The following ARFGEF2 variants were observed in gnomAD, a reference collection of about 807,000 sequenced individuals.
The protein encoded by ARFGEF2 is brefeldin A-inhibited guanine nucleotide-exchange protein 2.
Under a neutral mutation model 219.9 loss-of-function variants are expected in ARFGEF2, and 74 were observed. That is an observed-to-expected ratio of 0.34 (90% CI 0.28 to 0.41). The LOEUF (loss-of-function observed/expected upper bound fraction) is 0.41, where lower values mean the gene tolerates loss of function less well. ARFGEF2 is among the 10% of genes least tolerant of loss of function. The probability of loss-of-function intolerance (pLI) is 1.00; values close to 1 mark genes in which losing one functional copy is unlikely to be tolerated. For missense variants in ARFGEF2, 1,743 were observed against 2,218.3 expected (o/e 0.79, Z 4.30); for synonymous variants, 733 against 799.2 (o/e 0.92, Z 1.40).
intron 1 of ARFGEF2, among the ~76,000 whole-genome samples, chr20:48,939,044 G>A (rs528873197): frequency 8.1e-5 from 12 of 147,778 alleles, no homozygotes; most frequent in South Asian, 2.1e-4. Context: ...GCACCATCTC[G>A]GCTCACTGCA....
rs767927598 is a variant in ARFGEF2, at chr20:48,985,436, G to C, written c.2099G>C (p.Ser700Thr). ...STQVGDFLGDSARFNKEVMYA... is the reference protein window; with the variant it reads ...STQVGDFLGDTARFNKEVMYA... Reference sequence around the variant, plus strand: ...CAAGTAGGCGATTTTCTGGGAGATAGCGCAAGGTTCAACAAGGAGGTGATG... The same window carrying C: ...CAAGTAGGCGATTTTCTGGGAGATACCGCAAGGTTCAACAAGGAGGTGATG... Residue 700 changes from serine (S) to threonine (T), a missense_variant, in exon 16 of 39, where the codon AGC becomes ACC. By Grantham distance (58) the Ser-to-Thr change is moderately conservative. Around this residue, in one of 5 missense-constraint regions of ARFGEF2, gnomAD observed 666 missense variants for 955.4 expected, o/e 0.70. Coordinates refer to ENST00000371917, the MANE Select transcript of ARFGEF2 (RefSeq NM_006420.3). 6.2e-7 allele frequency: 1 copy of C among 1,614,044 alleles called. No individual in the cohort carries two copies. The highest frequency in any genetic ancestry group is 1.3e-5 in the African/African-American group (1 of 74,926).
chr20:49,020,057 T>TA (rs375929482), intron 34 of ARFGEF2, among the ~76,000 whole-genome samples: 112 of 152,356 alleles, frequency 7.4e-4, no homozygotes, highest in African/African-American at 2.5e-3. Context: ...GGTACTGTCT[T>TA]ACGTTTGAGG....
At chr20:48,953,169 T>C (rs1254685104) in intron 5 of ARFGEF2, among the ~76,000 whole-genome samples, 1 of 150,082 alleles carries the variant, frequency 6.7e-6, no homozygotes, top group Non-Finnish European at 1.5e-5. Flanking sequence ...TTTCTTTTTT[T>C]TTTTTTCTTT....
At chr20:48,926,126 G>T (rs2090875533) in intron 1 of ARFGEF2, among the ~76,000 whole-genome samples, 2 of 152,116 alleles carry the variant, frequency 1.3e-5, no homozygotes, top group Admixed American at 1.3e-4. Flanking sequence ...TGGAACCAGG[G>T]TATAAACACA....
chr20:48,984,959 T>C (rs1460987265), intron 15 of ARFGEF2, 119 bp downstream of exon 15: 4 of 1,550,350 alleles, frequency 2.6e-6, no homozygotes, highest in Non-Finnish European at 1.7e-6. Context: ...CACCCCCGGG[T>C]TATACATTGT....
chr20:49,008,448 A>G lies in ARFGEF2; in HGVS notation c.3585-1784A>G, dbSNP rs1273825499. On this transcript the variant is annotated intron_variant, in intron 26 of 38. Coordinates refer to ENST00000371917, the MANE Select transcript of ARFGEF2 (RefSeq NM_006420.3). ...TGTGGTGGTGTATGCCTGTAGTCCCAGCTACTCAGGAGGCTGAGGTAGGAG... is the reference window on the plus strand; with the variant it reads ...TGTGGTGGTGTATGCCTGTAGTCCCGGCTACTCAGGAGGCTGAGGTAGGAG... Among the ~76,000 whole-genome samples the G allele has an allele frequency of 2.0e-5, 3 of 151,970 alleles. 1 individual carries two copies. Among genetic ancestry groups the G allele is most frequent in the Non-Finnish European group, 4.4e-5 (3 of 68,012 alleles).
In ARFGEF2 at chr20:49,018,910, A is replaced by G; in HGVS notation, c.4536A>G (p.Leu1512=). ...HLDVDLDRQS[L]SSIDKNPSER... is the part of the protein sequence containing the mutation. Reference sequence around the variant, plus strand: ...ATGTGGATCTGGACCGCCAGTCTTTAAGCAGCATAGATAAAAATCCCTCTG... The same window carrying G: ...ATGTGGATCTGGACCGCCAGTCTTTGAGCAGCATAGATAAAAATCCCTCTG... Residue 1512 remains leucine, a synonymous_variant, in exon 34 of 39, where the codon TTA becomes TTG. Coordinates refer to ENST00000371917, the MANE Select transcript of ARFGEF2 (RefSeq NM_006420.3). 1 of 1,613,990 alleles carries G rather than the reference A, an allele frequency of 6.2e-7. No homozygotes were observed. The highest frequency in any genetic ancestry group is 1.1e-5 in the South Asian group (1 of 91,080).
At chr20:48,936,280 G>T (rs1384145691) in intron 1 of ARFGEF2, among the ~76,000 whole-genome samples, 2 of 148,234 alleles carry the variant, frequency 1.3e-5, no homozygotes, top group Non-Finnish European at 3.0e-5. Context: ...CGGACGGGGC[G>T]GCTGGCCAGG....
intron 3 of ARFGEF2, among the ~76,000 whole-genome samples, chr20:48,950,533 ATC>A (rs1380169991): frequency 2.6e-5 from 4 of 151,898 alleles, no homozygotes; most frequent in Admixed American, 2.6e-4. Context: ...GGTGGCTCAC[ATC>A]TGTAATTCCA....
chr20:48,933,579 C>A (rs1358699549), intron 1 of ARFGEF2, among the ~76,000 whole-genome samples: 3 of 152,090 alleles, frequency 2.0e-5, no homozygotes, highest in Non-Finnish European at 4.4e-5. Context: ...TTTCCCTTGG[C>A]ATTGCTTGAT....
Position 48,974,855 on chromosome 20 carries a change from C to T in ARFGEF2, c.1755C>T (p.Pro585=). 1 of 1,613,788 alleles carries T rather than the reference C, an allele frequency of 6.2e-7. No homozygotes were observed. The highest frequency in any genetic ancestry group is 8.5e-7 in the Non-Finnish European group (1 of 1,179,856). The change falls in exon 13 of 39, where the codon CCC becomes CCT. Residue 585 remains proline (P), a synonymous_variant. Transcript: ENST00000371917. ...VEWSKDLYVN[P]NHQTSLGQER... ...GGAGCAAAGACCTGTATGTGAATCCCAACCACCAGACCAGCCTCGGTGAGA... is the reference window on the plus strand; with the variant it reads ...GGAGCAAAGACCTGTATGTGAATCCTAACCACCAGACCAGCCTCGGTGAGA...
chr20:48,942,028 C>T (rs778658462), intron 3 of ARFGEF2, 41 bp downstream of exon 3: 2 of 1,611,686 alleles, frequency 1.2e-6, no homozygotes, highest in Non-Finnish European at 1.7e-6. Context: ...GGGTTCTCTC[C>T]AAGCCACAGT....
chr20:48,956,302 TC>T (rs1209107077), intron 6 of ARFGEF2, among the ~76,000 whole-genome samples: 3 of 152,034 alleles, frequency 2.0e-5, no homozygotes, highest in Admixed American at 6.6e-5. Flanking sequence ...TAACTGGGAA[TC>T]CCCCCCACAG....
At chr20:48,997,672 C>T (rs530317928) in intron 23 of ARFGEF2, among the ~76,000 whole-genome samples, 32 of 152,142 alleles carry the variant, frequency 2.1e-4, no homozygotes, top group Non-Finnish European at 4.0e-4. Context: ...ACTTGTAATA[C>T]CACATCATTT....
chr20:48,979,919 T>TA (rs1003720449), intron 14 of ARFGEF2, among the ~76,000 whole-genome samples: 2 of 151,622 alleles, frequency 1.3e-5, no homozygotes, highest in African/African-American at 2.4e-5. Context: ...TGATCTTTTT[T>TA]AAAAAAACAG....
chr20:49,006,458 T>G (rs1192509792), intron 26 of ARFGEF2, among the ~76,000 whole-genome samples: 1 of 152,196 alleles, frequency 6.6e-6, no homozygotes, highest in Non-Finnish European at 1.5e-5. Flanking sequence ...AATCTCTGTT[T>G]AATTCCAATA....
At chr20:49,007,822 C>G (rs1206626709) in intron 26 of ARFGEF2, among the ~76,000 whole-genome samples, 1 of 151,952 alleles carries the variant, frequency 6.6e-6, no homozygotes, top group Non-Finnish European at 1.5e-5. Context: ...ATTTTCCTAC[C>G]TTTAGGAACA....
At chr20:48,988,708 T>G (rs773032903) in intron 18 of ARFGEF2, 46 bp downstream of exon 18, 1 of 1,544,164 alleles carries the variant, frequency 6.5e-7, no homozygotes, top group African/African-American at 1.4e-5. Context: ...AATTTTTTAG[T>G]GTATCAGAAT....
intron 36 of ARFGEF2, among the ~76,000 whole-genome samples, chr20:49,026,467 A>G (rs1043421087): frequency 2.6e-5 from 4 of 152,180 alleles, no homozygotes; most frequent in African/African-American, 9.6e-5. Flanking sequence ...AATAAATACA[A>G]AAACCCTGGA....
Sources: gnomAD v4.1 joint callset for allele counts (sites outside exome capture counted in the v4.1 genomes callset) on GRCh38, gnomAD v4.1.1 for gene constraint, gnomAD v4.1.1 regional missense constraint, MANE v1.5 for transcripts, NCBI Gene and HGNC (gene_info 2026-07-23, HGNC 2026-07-21) for gene names.